Variants in BMPR2 observed in about 807,000 individuals in gnomAD.
BMPR2 encodes bone morphogenetic protein receptor type 2, also known as bone morphogenetic protein receptor type-2.
In BMPR2, 29 loss-of-function variants were observed where a neutral mutation model predicts 100.8. The observed-to-expected ratio is 0.29, with a 90% CI of 0.21 to 0.39. The LOEUF (loss-of-function observed/expected upper bound fraction) is 0.39, where lower values mean the gene tolerates loss of function less well. Ranked by LOEUF, BMPR2 falls within the 10% of genes least tolerant of loss-of-function variation. BMPR2 has a pLI of 1.00. For synonymous variants in BMPR2, 382 were observed against 442.3 expected, an observed-to-expected ratio of 0.86 and a Z score of 1.71; for missense variants, 1,011 against 1,274.5, an observed-to-expected ratio of 0.79 and a Z score of 3.15.
intron 3 of BMPR2, among the ~76,000 whole-genome samples, chr2:202,502,548 C>G (rs1268713239): frequency 1.3e-5 from 2 of 151,962 alleles, no homozygotes; most frequent in Non-Finnish European, 2.9e-5. Flanking sequence ...TTCTATCTAC[C>G]CAGCCAAGGC....
intron 3 of BMPR2, among the ~76,000 whole-genome samples, chr2:202,469,735 G>A (rs1307394318): frequency 6.6e-6 from 1 of 151,124 alleles, no homozygotes; most frequent in Admixed American, 6.6e-5. Flanking sequence ...CGCCCACCTC[G>A]GCCTCCCAAA....
chr2:202,408,193 A>G (rs543193272), intron 1 of BMPR2, among the ~76,000 whole-genome samples: 14 of 152,358 alleles, frequency 9.2e-5, no homozygotes, highest in Admixed American at 7.8e-4. Flanking sequence ...TTTGTTGTAT[A>G]AAATAATGTA....
Position 202,520,996 on chromosome 2 carries a change from C to T in BMPR2, c.967+795C>T, listed in dbSNP as rs191716246. Reference sequence around the variant, plus strand: ...GGCCCACAGACTCCTAGTCTGAGTCCAATAAAGACTGTTTATTCCTCATGC... The same window carrying T: ...GGCCCACAGACTCCTAGTCTGAGTCTAATAAAGACTGTTTATTCCTCATGC... On this transcript the variant is annotated intron_variant, in intron 7 of 12. Coordinates refer to ENST00000374580, the MANE Select transcript of BMPR2 (RefSeq NM_001204.7). 3.2e-5 allele frequency: 5 copies of T among 154,800 alleles called. No individual in the cohort carries two copies. The Admixed American group carries it at 3.3e-4, about 10-fold the overall frequency. 9.6% of individuals were successfully genotyped at this position (154,800 alleles called of 1,614,324 possible). A position where few individuals can be genotyped will look rare whatever the true frequency, so the allele number is the denominator to read the frequency against.
chr2:202,538,686 C>T (rs991909908), intron 9 of BMPR2, among the ~76,000 whole-genome samples: 7 of 149,684 alleles, frequency 4.7e-5, no homozygotes, highest in African/African-American at 1.7e-4. Context: ...CCCAGCTACT[C>T]GGGAGGCTGA....
rs796748229 is a variant in BMPR2, at chr2:202,473,979, C to T, written c.418+6290C>T. 3.5e-4 allele frequency among the ~76,000 whole-genome samples: 52 copies of T among 149,912 alleles called. 1 individual carries two copies. Among genetic ancestry groups the T allele is most frequent in the African/African-American group, 1.3e-3 (52 of 40,636 alleles). On this transcript the variant is annotated intron_variant, in intron 3 of 12. Coordinates refer to ENST00000374580, the MANE Select transcript of BMPR2 (RefSeq NM_001204.7). Reference sequence around the variant, plus strand: ...AATTAGCTGGGCATGGTGGCACACCCCTGTAGTCCCAGCTGTTCGGGAGGC... The same window carrying T: ...AATTAGCTGGGCATGGTGGCACACCTCTGTAGTCCCAGCTGTTCGGGAGGC...
rs1393831268 is a variant in BMPR2, at chr2:202,566,522, T to C, written c.*6576T>C. 3.9e-5 allele frequency: 6 copies of C among 152,366 alleles called. No individual in the cohort carries two copies. Among genetic ancestry groups the C allele is most frequent in the Non-Finnish European group, 8.8e-5 (6 of 67,998 alleles). 9.4% of individuals were successfully genotyped at this position (152,366 alleles called of 1,614,324 possible). Reference sequence around the variant, plus strand: ...TTGCAACAAATTTAGGCCTTTAGAGTTGAAGCACTGACTTAAAACGACTTA... The same window carrying C: ...TTGCAACAAATTTAGGCCTTTAGAGCTGAAGCACTGACTTAAAACGACTTA... On this transcript the variant is annotated 3_prime_UTR_variant, in exon 13 of 13. Transcript: ENST00000374580.
intron 10 of BMPR2, among the ~76,000 whole-genome samples, chr2:202,543,519 C>A (rs1201785510): frequency 6.6e-6 from 1 of 151,422 alleles, no homozygotes; most frequent in Non-Finnish European, 1.5e-5. Flanking sequence ...TTGATAAAAT[C>A]ATATAATGAT....
intron 1 of BMPR2, among the ~76,000 whole-genome samples, chr2:202,419,724 A>C (rs907274938): frequency 2.0e-5 from 3 of 152,188 alleles, no homozygotes; most frequent in African/African-American, 7.2e-5. Flanking sequence ...TCCATAAGTA[A>C]GATCTTAAAT....
Position 202,542,931 on chromosome 2 carries a change from C to G in BMPR2, c.1413+484C>G, listed in dbSNP as rs1484214444. 2.6e-5 allele frequency among the ~76,000 whole-genome samples: 4 copies of G among 151,876 alleles called. No individual in the cohort carries two copies. The South Asian group carries it at 6.2e-4, about 24-fold the overall frequency. ...GTGGCTCACACCTGTAATCCCAGCACTTTGGGAGGCCGAGGCGGGCAGATT... is the reference window on the plus strand; with the variant it reads ...GTGGCTCACACCTGTAATCCCAGCAGTTTGGGAGGCCGAGGCGGGCAGATT... On this transcript the variant is annotated intron_variant, in intron 10 of 12. Coordinates refer to ENST00000374580, the MANE Select transcript of BMPR2 (RefSeq NM_001204.7).
At chr2:202,481,559 G>GA (rs1424118967) in intron 3 of BMPR2, among the ~76,000 whole-genome samples, 1 of 152,040 alleles carries the variant, frequency 6.6e-6, no homozygotes, top group African/African-American at 2.4e-5. Context: ...TTCCATATCT[G>GA]AAAAAAGACA....
chr2:202,500,936 C>T (rs1687375146), intron 3 of BMPR2, among the ~76,000 whole-genome samples: 1 of 152,182 alleles, frequency 6.6e-6, no homozygotes, highest in African/African-American at 2.4e-5. Flanking sequence ...GATGGTCTTG[C>T]CCCAGGGGTT....
intron 9 of BMPR2, among the ~76,000 whole-genome samples, chr2:202,534,547 G>T (rs929273848): frequency 1.3e-5 from 2 of 152,186 alleles, no homozygotes; most frequent in African/African-American, 4.8e-5. Flanking sequence ...GTGGGACACA[G>T]CACATGTTTC....
chr2:202,558,970 ATTC>A (rs1688632816), intron 12 of BMPR2, among the ~76,000 whole-genome samples: 1 of 151,214 alleles, frequency 6.6e-6, no homozygotes, highest in Non-Finnish European at 1.5e-5. Context: ...TATTTCTGTT[ATTC>A]TTCTGAAAAA....
intron 1 of BMPR2, among the ~76,000 whole-genome samples, chr2:202,425,852 AT>A (rs1308998345): frequency 6.6e-6 from 1 of 152,236 alleles, no homozygotes; most frequent in Non-Finnish European, 1.5e-5. Context: ...ATTGAATTGC[AT>A]TTTAAAATTC....
rs1225122627 is a variant in BMPR2 at position 202,464,237 on chromosome 2, ACAATT to A, written c.77-569_77-565del. Among the ~76,000 whole-genome samples the A allele has an allele frequency of 1.1e-4, 16 of 152,006 alleles. No individual in the cohort carries two copies. In the South Asian group the frequency reaches 3.1e-3, roughly 30 times the overall value. ...CCTGAAGTTCACTCAATTTAAGTGA[ACAATT>A]CAGTTATTTTTTTTGCAAATGTACA... On this transcript the variant is annotated intron_variant, in intron 1 of 12. Transcript: ENST00000374580.
At chr2:202,442,199 G>T (rs1008815814) in intron 1 of BMPR2, among the ~76,000 whole-genome samples, 3 of 150,382 alleles carry the variant, frequency 2.0e-5, no homozygotes, top group South Asian at 2.1e-4. Context: ...TTTATAGCTT[G>T]TATGCTTCTA....
intron 1 of BMPR2, among the ~76,000 whole-genome samples, chr2:202,425,133 C>T (rs1021774814): frequency 6.6e-6 from 1 of 151,928 alleles, no homozygotes. Context: ...AGGCTAGTCT[C>T]GAACTCTTGA....
At chr2:202,456,435 T>G (rs969775426) in intron 1 of BMPR2, among the ~76,000 whole-genome samples, 2 of 150,902 alleles carry the variant, frequency 1.3e-5, no homozygotes, top group Non-Finnish European at 3.0e-5. Flanking sequence ...ATCTCGACCT[T>G]CCAAACTGCT....
intron 3 of BMPR2, chr2:202,474,925 T>G (rs1692513190): frequency 6.6e-6 from 1 of 152,166 alleles, no homozygotes; most frequent in African/African-American, 2.4e-5. Context: ...TGCTTGTTTA[T>G]TTGGAAAAAG....
Sources: gnomAD v4.1 joint callset for allele counts (sites outside exome capture counted in the v4.1 genomes callset) on GRCh38, gnomAD v4.1.1 for gene constraint, MANE v1.5 for transcripts, NCBI Gene and HGNC (gene_info 2026-07-23, HGNC 2026-07-21) for gene names.